The following RIGI variants were observed in gnomAD, a reference collection of about 807,000 sequenced individuals.
RIGI encodes the protein antiviral innate immune response receptor RIG-I.
At chr9:32,523,407 C>T in the RIGI span, among the ~76,000 whole-genome samples, 1 of 152,146 alleles carries the variant, frequency 6.6e-6, no homozygotes, top group African/African-American at 2.4e-5. Flanking sequence ...GGCATACAAA[C>T]CCAGCATACC....
At chr9:32,466,228 T>C in the RIGI span, 4 of 1,550,132 alleles carry the variant, frequency 2.6e-6, no homozygotes, top group Middle Eastern at 3.4e-4. Flanking sequence ...ATACCAACCA[T>C]CCTCCTCACA....
At chr9:32,497,642 G>C in the RIGI span, among the ~76,000 whole-genome samples, 3 of 152,236 alleles carry the variant, frequency 2.0e-5, no homozygotes, top group Non-Finnish European at 4.4e-5. Flanking sequence ...AGCTACTCGG[G>C]AGGCTGAGGC....
chr9:32,520,276 TG>T, the RIGI span, among the ~76,000 whole-genome samples: 2,250 of 152,268 alleles, frequency 0.015, 72 homozygotes, highest in African/African-American at 0.052. Flanking sequence ...TTTAATACAA[TG>T]GATTGTATAA....
At chr9:32,512,866 G>A in the RIGI span, among the ~76,000 whole-genome samples, 1 of 152,024 alleles carries the variant, frequency 6.6e-6, no homozygotes, top group African/African-American at 2.4e-5. Context: ...AGCAACTTCA[G>A]CAAAGTCTCA....
At chr9:32,518,178 G>A in the RIGI span, among the ~76,000 whole-genome samples, 1 of 152,022 alleles carries the variant, frequency 6.6e-6, no homozygotes, top group Non-Finnish European at 1.5e-5. Flanking sequence ...ATCTAACTCA[G>A]AAGTTATCTA....
chr9:32,462,344 T>G, the RIGI span, among the ~76,000 whole-genome samples: 3 of 151,838 alleles, frequency 2.0e-5, no homozygotes, highest in East Asian at 1.9e-4. Flanking sequence ...AGATAATATA[T>G]TGATTACCAT....
chr9:32,457,074 C>T, the RIGI span: 5 of 1,449,168 alleles, frequency 3.5e-6, no homozygotes, highest in Admixed American at 5.3e-5. Flanking sequence ...TGTTTCTTCT[C>T]CACTCAAAGT....
At chr9:32,515,303 G>A in the RIGI span, among the ~76,000 whole-genome samples, 3 of 132,322 alleles carry the variant, frequency 2.3e-5, no homozygotes, top group African/African-American at 8.6e-5. Flanking sequence ...GGGTGACAGA[G>A]CAGGACTCTG....
chr9:32,509,803 C>T, the RIGI span, among the ~76,000 whole-genome samples: 1 of 151,940 alleles, frequency 6.6e-6, no homozygotes, highest in African/African-American at 2.4e-5. Context: ...GCTAAAGGAG[C>T]ATGTTCTAAC....
At chr9:32,466,675 G>A in the RIGI span, among the ~76,000 whole-genome samples, 1 of 111,554 alleles carries the variant, frequency 9.0e-6, no homozygotes, top group Non-Finnish European at 1.7e-5. Context: ...CTGGGTGACA[G>A]AGCAAGACCT....
the RIGI span, among the ~76,000 whole-genome samples, chr9:32,521,053 G>A: frequency 6.8e-6 from 1 of 146,054 alleles, no homozygotes; most frequent in Non-Finnish European, 1.5e-5. Context: ...GTTGAGGCAG[G>A]AGAATTGCTT....
At chr9:32,498,441 G>A in the RIGI span, 20 of 441,604 alleles carry the variant, frequency 4.5e-5, no homozygotes, top group Middle Eastern at 6.6e-4. Context: ...CTTCTGGCCC[G>A]AGGCTACACT....
At chr9:32,512,668 G>C in the RIGI span, among the ~76,000 whole-genome samples, 2 of 152,132 alleles carry the variant, frequency 1.3e-5, no homozygotes, top group Non-Finnish European at 2.9e-5. Context: ...ACAAGACAAA[G>C]ATGCCCTCTC....
the RIGI span, among the ~76,000 whole-genome samples, chr9:32,469,168 T>G: frequency 6.0e-5 from 9 of 151,028 alleles, no homozygotes; most frequent in Non-Finnish European, 1.0e-4. Flanking sequence ...CACCCCTACC[T>G]ATCTACACTT....
the RIGI span, among the ~76,000 whole-genome samples, chr9:32,464,921 C>G: frequency 6.6e-6 from 1 of 152,168 alleles, no homozygotes; most frequent in Non-Finnish European, 1.5e-5. Flanking sequence ...CCTCCTCACC[C>G]CACTCCTTAT....
chr9:32,507,271 A>C, the RIGI span, among the ~76,000 whole-genome samples: 29 of 152,322 alleles, frequency 1.9e-4, no homozygotes, highest in Non-Finnish European at 4.0e-4. Flanking sequence ...GAATTTATTA[A>C]ATATTTATCT....
At chr9:32,488,720 A>G in the RIGI span, 2 of 1,544,736 alleles carry the variant, frequency 1.3e-6, no homozygotes, top group Non-Finnish European at 1.7e-6. Context: ...AGTTGAAGCA[A>G]CTATTATACC....
At chr9:32,500,886 C>T in the RIGI span, 1 of 1,614,168 alleles carries the variant, frequency 6.2e-7, no homozygotes, top group Admixed American at 1.7e-5. Flanking sequence ...AAAAGTGTGG[C>T]AGCCTCCATT....
the RIGI span, chr9:32,466,453 T>C: frequency 1.3e-6 from 2 of 1,586,508 alleles, no homozygotes; most frequent in South Asian, 1.1e-5. Flanking sequence ...TATTAGAAAA[T>C]AAATATTTTA....
Sources: gnomAD v4.1 joint callset for allele counts (sites outside exome capture counted in the v4.1 genomes callset) on GRCh38, gnomAD v4.1.1 for gene constraint, MANE v1.5 for transcripts, NCBI Gene and HGNC (gene_info 2026-07-23, HGNC 2026-07-21) for gene names.